The following MAP3K3 variants were observed in gnomAD, a reference collection of about 807,000 sequenced individuals.
MAP3K3 encodes mitogen-activated protein kinase kinase kinase 3.
A neutral mutation model predicts 80.9 loss-of-function variants in MAP3K3; 12 were observed. The ratio of observed to expected loss-of-function variants is 0.15; its 90% confidence interval spans 0.10 to 0.24. The LOEUF is 0.24. Among genes scored for constraint, MAP3K3 ranks in the 10% least tolerant of loss-of-function variants. The pLI is 1.00. For synonymous variants in MAP3K3, 272 were observed against 307.1 expected (o/e 0.89, Z 1.19); for missense variants, 596 against 834.7 (o/e 0.71, Z 3.52).
rs561715323 is a variant in MAP3K3, at chr17:63,653,363, G to A, written c.267+707G>A. Among the ~76,000 whole-genome samples, 15 of 152,328 alleles carry A rather than the reference G, an allele frequency of 9.8e-5. 1 individual carries two copies. Among genetic ancestry groups the A allele is most frequent in the Admixed American group, 7.8e-4 (12 of 15,298 alleles). On this transcript the variant is annotated intron_variant, in intron 4 of 15. Transcript: ENST00000361733. ...ACCTCGAGGAAATTGAGTTAGGGGT[G>A]CAAGACAAGAAAGCTGGGCAACATC...
chr17:63,686,196 A>G (rs572819446), intron 8 of MAP3K3, among the ~76,000 whole-genome samples: 1 of 152,274 alleles, frequency 6.6e-6, no homozygotes, highest in Admixed American at 6.5e-5. Flanking sequence ...AACACTTTTG[A>G]TCACGTCTGT....
At chr17:63,624,588 G>T (rs1431017329) in intron 1 of MAP3K3, among the ~76,000 whole-genome samples, 1 of 152,172 alleles carries the variant, frequency 6.6e-6, no homozygotes, top group Admixed American at 6.5e-5. Flanking sequence ...GAGCCCCAAA[G>T]AAAAAAGGGC....
At chr17:63,647,130 A>G (rs898201100) in intron 3 of MAP3K3, among the ~76,000 whole-genome samples, 1 of 152,098 alleles carries the variant, frequency 6.6e-6, no homozygotes, top group Non-Finnish European at 1.5e-5. Context: ...TGTGGCTACT[A>G]TTCTCCCTTT....
chr17:63,622,942 G>A (rs2034021323), intron 1 of MAP3K3, among the ~76,000 whole-genome samples, 179 bp downstream of exon 1: 1 of 146,566 alleles, frequency 6.8e-6, no homozygotes, highest in Non-Finnish European at 1.5e-5. Context: ...CCCGGGCGGG[G>A]GTTCTGGCTC....
At chr17:63,648,604 T>C (rs1175281455) in intron 3 of MAP3K3, among the ~76,000 whole-genome samples, 1 of 152,026 alleles carries the variant, frequency 6.6e-6, no homozygotes, top group African/African-American at 2.4e-5. Context: ...GGCGGGCAGA[T>C]AAAAAGGTCA....
At chr17:63,677,997 C>T (rs1355832480) in intron 6 of MAP3K3, among the ~76,000 whole-genome samples, 1 of 152,202 alleles carries the variant, frequency 6.6e-6, no homozygotes, top group African/African-American at 2.4e-5. Flanking sequence ...CTGGCCAGTT[C>T]AAGGAGAAGT....
chr17:63,674,347 T>G (rs750932299), intron 6 of MAP3K3, among the ~76,000 whole-genome samples: 1 of 151,852 alleles, frequency 6.6e-6, no homozygotes, highest in East Asian at 1.9e-4. Flanking sequence ...GGTGGATTGC[T>G]TGAGCCCAGG....
chr17:63,628,700 T>C (rs1225977795), intron 1 of MAP3K3, among the ~76,000 whole-genome samples: 1 of 152,188 alleles, frequency 6.6e-6, no homozygotes, highest in Non-Finnish European at 1.5e-5. Context: ...ATTTGTGTGT[T>C]GTTTATCTTT....
rs1436925742 is a variant in MAP3K3, at chr17:63,693,156, G to C, written c.1653-393G>C. Among the ~76,000 whole-genome samples the C allele has an allele frequency of 6.6e-6, 1 of 152,164 alleles. No homozygotes were observed. The highest frequency in any genetic ancestry group is 1.5e-5 in the Non-Finnish European group (1 of 68,022). On this transcript the variant is annotated intron_variant, in intron 15 of 15. Coordinates refer to ENST00000361733, the MANE Select transcript of MAP3K3 (RefSeq NM_002401.5). This position sits in a 1 kb window ranked among gnomAD's most constrained non-coding sequence, Gnocchi z 4.2. The stretch of plus-strand genomic sequence containing the variant: ...CCCTCAGAGCCTCTGACAGGAACCA[G>C]CCCTGCCGCCACCTTGACTTTAGCC...
Position 63,681,835 on chromosome 17 carries a change from G to T in MAP3K3, c.572G>T (p.Arg191Leu). The T allele has an allele frequency of 6.5e-7, 1 of 1,547,066 alleles. No individual in the cohort carries two copies. Among genetic ancestry groups the T allele is most frequent in the Non-Finnish European group, 8.8e-7 (1 of 1,142,564 alleles). Residue 191 changes from arginine (R) to leucine (L), a missense_variant, in exon 7 of 16, where the codon CGG (arginine) becomes CTG (leucine). This residue lies in a region of MAP3K3 where 232 missense variants were observed against 245.8 expected (regional missense o/e 0.94). Coordinates refer to ENST00000361733, the MANE Select transcript of MAP3K3 (RefSeq NM_002401.5). ...CCTGAGCGGCAGCAGCACATTGCCC[G>T]GCAGGGGTCCTACACCAGCATCAAC... is the stretch of plus-strand genomic sequence containing the variant. ...YVPERQQHIA[R>L]QGSYTSINSE...
At chr17:63,679,485 T>G (rs1449398708) in intron 6 of MAP3K3, among the ~76,000 whole-genome samples, 1 of 152,026 alleles carries the variant, frequency 6.6e-6, no homozygotes, top group Non-Finnish European at 1.5e-5. Context: ...CACATGAGCT[T>G]TGTTGTTTTG....
intron 6 of MAP3K3, among the ~76,000 whole-genome samples, chr17:63,677,870 C>T (rs1331766357): frequency 6.6e-6 from 1 of 152,154 alleles, no homozygotes; most frequent in Non-Finnish European, 1.5e-5. Context: ...CTGTGCTTCC[C>T]CTGTGCTGCC....
chr17:63,630,026 T>G (rs2034184287), intron 1 of MAP3K3, among the ~76,000 whole-genome samples: 1 of 152,206 alleles, frequency 6.6e-6, no homozygotes, highest in Non-Finnish European at 1.5e-5. Flanking sequence ...ATATCTGAGT[T>G]GAAAGAACTG....
intron 5 of MAP3K3, among the ~76,000 whole-genome samples, chr17:63,664,271 G>A (rs953174286): frequency 1.4e-5 from 2 of 141,726 alleles, no homozygotes; most frequent in African/African-American, 2.6e-5. Context: ...AAAAAAAAAA[G>A]GGCTTTAATA....
chr17:63,663,395 G>A (rs536712965), intron 5 of MAP3K3, among the ~76,000 whole-genome samples: 1 of 152,048 alleles, frequency 6.6e-6, no homozygotes, highest in Non-Finnish European at 1.5e-5. Context: ...CCAGATACTC[G>A]GGAGGCTGAG....
intron 2 of MAP3K3, 21 bp from the exon 3 acceptor site, chr17:63,646,013 G>C (rs754210174): frequency 1.2e-6 from 2 of 1,610,870 alleles, no homozygotes; most frequent in Non-Finnish European, 1.7e-6. Context: ...TCTCTAACCT[G>C]TCTATCATTC....
intron 2 of MAP3K3, among the ~76,000 whole-genome samples, chr17:63,633,031 C>G (rs1198465411): frequency 1.3e-5 from 2 of 152,030 alleles, no homozygotes; most frequent in Non-Finnish European, 2.9e-5. Context: ...AGTTTGAGAC[C>G]AGCCTGGCCA....
In MAP3K3 at chr17:63,657,891, C is replaced by T. The variant is rs1250156409; in HGVS notation, c.365C>T (p.Ser122Phe). The change falls in exon 5 of 16, where the codon TCC (serine) becomes TTC (phenylalanine). Residue 122 changes from serine (S) to phenylalanine (F), a missense_variant. Around this residue, in one of 2 missense-constraint regions of MAP3K3, gnomAD observed 232 missense variants for 245.8 expected, o/e 0.94. Transcript: ENST00000361733. ...SMKSLRILLL[S>F]QDRNHNSSSP... ...AAAAGCCTTAGGATATTGCTGTTGT[C>T]CCAGGACAGAAACCATGTAAGTAGC... 1.0e-5 allele frequency: 16 copies of T among 1,593,692 alleles called. No individual in the cohort carries two copies. The highest frequency in any genetic ancestry group is 2.7e-5 in the African/African-American group (2 of 74,440).
chr17:63,681,472 AAGCT>A (rs2035334354), intron 6 of MAP3K3, among the ~76,000 whole-genome samples: 2 of 152,200 alleles, frequency 1.3e-5, no homozygotes, highest in Admixed American at 6.5e-5. Flanking sequence ...ATTTTTTTAA[AAGCT>A]AGTCTGATTG....
Sources: allele counts gnomAD v4.1 joint callset (sites outside exome capture counted in the v4.1 genomes callset), GRCh38; gene constraint gnomAD v4.1.1; regional missense constraint gnomAD v4.1.1; non-coding constraint Gnocchi (gnomAD v3.1); transcripts MANE v1.5; gene names NCBI Gene and HGNC (gene_info 2026-07-23, HGNC 2026-07-21).